Variants in DCK observed in about 807,000 individuals in gnomAD.
DCK encodes deoxycytidine kinase, also known as deoxyadenosine kinase.
Under a neutral mutation model 38.3 loss-of-function variants are expected in DCK, and 23 were observed. That is an observed-to-expected ratio of 0.60 (90% confidence interval 0.43 to 0.85). The LOEUF is 0.85. DCK is among the 40% of genes least tolerant of loss of function. DCK has a pLI of 0.00. For synonymous variants in DCK, 108 were observed against 100.6 expected (o/e 1.07, Z -0.44); for missense variants, 259 against 304.4 (o/e 0.85, Z 1.11).
intron 1 of DCK, among the ~76,000 whole-genome samples, chr4:70,995,387 G>C (rs191255223): frequency 1.1e-3 from 165 of 152,286 alleles, no homozygotes; most frequent in African/African-American, 3.9e-3. Flanking sequence ...AGGAGTTCCA[G>C]ATCAGCCTGG....
chr4:70,995,329 G>A (rs889304817), intron 1 of DCK, among the ~76,000 whole-genome samples: 1 of 152,212 alleles, frequency 6.6e-6, no homozygotes, highest in Non-Finnish European at 1.5e-5. Flanking sequence ...GCTCATACTT[G>A]TAATCCCAGG....
intron 2 of DCK, among the ~76,000 whole-genome samples, chr4:71,022,023 G>A (rs958104555): frequency 6.6e-6 from 1 of 152,084 alleles, no homozygotes; most frequent in Non-Finnish European, 1.5e-5. Context: ...AAAAGAAGAT[G>A]TAAATCCAAA....
chr4:71,015,078 A>T (rs1342427532), intron 2 of DCK, among the ~76,000 whole-genome samples: 1 of 152,220 alleles, frequency 6.6e-6, no homozygotes, highest in Non-Finnish European at 1.5e-5. Flanking sequence ...ATAAAAAATG[A>T]CAAAGGGAGT....
intron 2 of DCK, among the ~76,000 whole-genome samples, chr4:71,007,459 G>A (rs1329149241): frequency 1.3e-5 from 2 of 152,020 alleles, no homozygotes; most frequent in Non-Finnish European, 2.9e-5. Flanking sequence ...TCTTTCCTAC[G>A]TTACTACTCC....
At chr4:71,001,121 G>A (rs1400670596) in intron 2 of DCK, among the ~76,000 whole-genome samples, 1 of 150,354 alleles carries the variant, frequency 6.7e-6, no homozygotes, top group African/African-American at 2.4e-5. Flanking sequence ...TATCGGCTGT[G>A]GGTTTGTCAT....
At chr4:71,022,613 G>T in intron 3 of DCK, 53 bp downstream of exon 3, 1 of 1,065,600 alleles carries the variant, frequency 9.4e-7, no homozygotes, top group South Asian at 3.4e-5. Flanking sequence ...CTTAGAACTG[G>T]ACTTTTTTTT....
chr4:71,023,827 C>T (rs1295418371), intron 4 of DCK, 121 bp downstream of exon 4: 5 of 785,802 alleles, frequency 6.4e-6, no homozygotes, highest in Non-Finnish European at 9.5e-6. Context: ...CACTCCCCAC[C>T]TCTAAATTAG....
At chr4:71,006,133 CAAA>C (rs67497388) in intron 2 of DCK, among the ~76,000 whole-genome samples, 3,526 of 104,350 alleles carry the variant, frequency 0.034, 148 homozygotes, top group African/African-American at 0.11. Context: ...ACAAAAACAC[CAAA>C]AAAAAAAAAA....
intron 2 of DCK, among the ~76,000 whole-genome samples, chr4:71,005,002 G>A (rs1053269793): frequency 6.6e-6 from 1 of 151,872 alleles, no homozygotes; most frequent in East Asian, 1.9e-4. Context: ...GTTCTGTCTC[G>A]CTGGCATTCC....
intron 2 of DCK, among the ~76,000 whole-genome samples, chr4:71,013,364 A>G (rs1740153571): frequency 6.6e-6 from 1 of 152,226 alleles, no homozygotes; most frequent in Non-Finnish European, 1.5e-5. Flanking sequence ...AACTTCCCCA[A>G]TCTAGCAAGG....
chr4:71,018,935 G>C (rs570529083), intron 2 of DCK, among the ~76,000 whole-genome samples: 1 of 152,228 alleles, frequency 6.6e-6, no homozygotes, highest in African/African-American at 2.4e-5. Context: ...GACTCCCAAA[G>C]TGCTGGGATT....
chr4:71,011,320 A>G (rs528621566), intron 2 of DCK, among the ~76,000 whole-genome samples: 10 of 151,408 alleles, frequency 6.6e-5, no homozygotes, highest in Non-Finnish European at 1.5e-4. Flanking sequence ...AATGCTTGAT[A>G]AAGCACTTCC....
rs115113352 is a variant in DCK, at chr4:71,019,150, A to G, written c.208-3217A>G. Among the ~76,000 whole-genome samples the G allele has an allele frequency of 9.4e-3, 1,431 of 152,302 alleles. 10 individuals carry two copies. Among genetic ancestry groups the G allele is most frequent in the South Asian group, 0.03 (142 of 4,812 alleles). ...ATTTTCTAATTTGTTACACTATTAA[A>G]CTAAGAGACAATAACATCTTCATAG... On this transcript the variant is annotated intron_variant, in intron 2 of 6. Transcript: ENST00000286648.
intron 2 of DCK, among the ~76,000 whole-genome samples, chr4:71,002,451 T>G (rs2148912955): frequency 6.6e-6 from 1 of 152,300 alleles, no homozygotes; most frequent in East Asian, 1.9e-4. Flanking sequence ...TGATTTGGGG[T>G]GGAGAGTTCT....
intron 2 of DCK, among the ~76,000 whole-genome samples, chr4:71,002,597 T>A (rs1369679414): frequency 1.3e-5 from 2 of 152,128 alleles, no homozygotes; most frequent in Non-Finnish European, 2.9e-5. Context: ...GGAGTCTAGG[T>A]CTCTTTGTGG....
intron 2 of DCK, among the ~76,000 whole-genome samples, chr4:71,018,402 A>C (rs1740328581): frequency 6.6e-6 from 1 of 152,096 alleles, no homozygotes; most frequent in African/African-American, 2.4e-5. Flanking sequence ...TGCTAGGATC[A>C]CAGGCGTGAG....
rs1408488350 is a variant in DCK at position 70,993,811 on chromosome 4, C to T, written c.-25C>T. On this transcript the variant is annotated 5_prime_UTR_variant, in exon 1 of 7. Transcript: ENST00000286648. Reference sequence around the variant, plus strand: ...CTCCCAGCCCTCTTTGCCGGACGAGCTCTGGGCCGCCACAAGACTAAGGAA... The same window carrying T: ...CTCCCAGCCCTCTTTGCCGGACGAGTTCTGGGCCGCCACAAGACTAAGGAA... 6.3e-7 allele frequency: 1 copy of T among 1,576,988 alleles called. No homozygotes were observed. The highest frequency in any genetic ancestry group is 1.1e-5 in the South Asian group (1 of 89,524).
chr4:71,025,559 C>G (rs1361216545), intron 4 of DCK, among the ~76,000 whole-genome samples: 1 of 151,970 alleles, frequency 6.6e-6, no homozygotes, highest in Non-Finnish European at 1.5e-5. Context: ...TCCTTTTTAT[C>G]AAACTTAGTA....
At chr4:71,017,171 A>G (rs113046453) in intron 2 of DCK, among the ~76,000 whole-genome samples, 7 of 152,266 alleles carry the variant, frequency 4.6e-5, no homozygotes, top group Non-Finnish European at 8.8e-5. Flanking sequence ...CAACAGACAC[A>G]TGAAAAAATG....
Sources: gnomAD v4.1 joint callset for allele counts (sites outside exome capture counted in the v4.1 genomes callset) on GRCh38, gnomAD v4.1.1 for gene constraint, MANE v1.5 for transcripts, NCBI Gene and HGNC (gene_info 2026-07-23, HGNC 2026-07-21) for gene names.